YME1L1: variants seen among roughly 807,000 people sequenced by gnomAD.
The protein encoded by YME1L1 is YME1 like 1 ATPase.
YME1L1 carries 39 observed loss-of-function variants against 90.4 expected under a neutral mutation model. The ratio of observed to expected loss-of-function variants is 0.43; its 90% CI spans 0.33 to 0.56. The LOEUF (loss-of-function observed/expected upper bound fraction) is 0.56, where lower values mean the gene tolerates loss of function less well. YME1L1 is among the 20% of genes least tolerant of loss of function. The pLI is 0.03. For missense variants in YME1L1, 617 were observed against 868.4 expected, an observed-to-expected ratio of 0.71 and a Z score of 3.64; for synonymous variants, 284 against 287.3, an observed-to-expected ratio of 0.99 and a Z score of 0.12.
intron 1 of YME1L1, among the ~76,000 whole-genome samples, chr10:27,151,066 C>G (rs2057209173): frequency 6.6e-6 from 1 of 152,110 alleles, no homozygotes; most frequent in South Asian, 2.1e-4. Context: ...GCTGGGACTA[C>G]AGGCGCAGGC....
chr10:27,147,765 C>T lies in YME1L1; in HGVS notation c.168+1141G>A, dbSNP rs1217720585. 5 of 1,494,614 alleles carry T rather than the reference C, an allele frequency of 3.3e-6. No individual in the cohort carries two copies. In the East Asian group the frequency reaches 1.2e-4, roughly 37 times the overall value. The allele number at this position is 1,494,614 out of a possible 1,614,324, so 92.6% of individuals were successfully genotyped here. ...GGTTTCTATAGCATCTGGCTCCTGT[C>T]AATTGTGCAGTTTCACCAAACCCTG... On this transcript the variant is annotated intron_variant, in intron 2 of 18. Transcript: ENST00000376016.
At chr10:27,147,438 T>A (rs188660044) in intron 2 of YME1L1, 1 of 1,614,120 alleles carries the variant, frequency 6.2e-7, no homozygotes, top group African/African-American at 1.3e-5. Context: ...AAGCCGTGAC[T>A]AAGAACGATG....
intron 9 of YME1L1, among the ~76,000 whole-genome samples, chr10:27,125,991 A>G (rs1341257167): frequency 1.3e-5 from 2 of 152,088 alleles, no homozygotes; most frequent in African/African-American, 2.4e-5. Flanking sequence ...CCTAATTTTA[A>G]TATTATTCTG....
At chr10:27,142,363 C>T (rs1477463492) in intron 4 of YME1L1, 24 bp downstream of exon 4, 3 of 1,313,680 alleles carry the variant, frequency 2.3e-6, no homozygotes, top group South Asian at 3.6e-5. Context: ...TTTTTTTCCA[C>T]AATTTATGGT....
rs766771593 is a variant in YME1L1 at position 27,145,472 on chromosome 10, T to C, written c.287A>G (p.His96Arg). 1.4e-5 allele frequency: 22 copies of C among 1,613,488 alleles called. No individual in the cohort carries two copies. Among genetic ancestry groups the C allele is most frequent in the Non-Finnish European group, 1.8e-5 (21 of 1,179,600 alleles). Residue 96 changes from histidine to arginine, a missense_variant, in exon 3 of 19, where the codon CAT becomes CGT. This residue lies in a region of YME1L1 where 311 missense variants were observed against 335.8 expected (regional missense o/e 0.93). Coordinates refer to ENST00000376016, the MANE Select transcript of YME1L1 (RefSeq NM_014263.4). ...GGATTGTGCAGAGACATGGGATGTA[T>C]GCCAATGGGAAGAAATGTTTTTGCC... is the stretch of plus-strand genomic sequence containing the variant. ...CKGKNISSHWHTSHVSAQSFF... is the reference protein window; with the variant it reads ...CKGKNISSHWRTSHVSAQSFF...
chr10:27,142,561 T>C, intron 3 of YME1L1, 76 bp from the exon 4 acceptor site: 1 of 619,728 alleles, frequency 1.6e-6, no homozygotes, highest in Non-Finnish European at 2.6e-6. Flanking sequence ...TATAAATAAT[T>C]CTATCAAATA....
intron 1 of YME1L1, among the ~76,000 whole-genome samples, chr10:27,149,330 C>T (rs2135905935): frequency 6.6e-6 from 1 of 152,250 alleles, no homozygotes; most frequent in Middle Eastern, 3.4e-3. Flanking sequence ...CAAGTACTTG[C>T]ACATGCATAG....
Position 27,114,501 on chromosome 10 carries a change from A to G in YME1L1, c.2007+20T>C. On this transcript the variant is annotated intron_variant, in intron 18 of 18. Transcript: ENST00000376016. ...CACATTGTTCCTAAGAAAATAAATA[A>G]GCACAAAAAATATTATTACCCTTAG... 6.3e-7 allele frequency: 1 copy of G among 1,593,302 alleles called. No homozygotes were observed. Among genetic ancestry groups the G allele is most frequent in the Non-Finnish European group, 8.5e-7 (1 of 1,169,596 alleles).
At chr10:27,124,880 C>T (rs926060689) in intron 9 of YME1L1, among the ~76,000 whole-genome samples, 4 of 152,020 alleles carry the variant, frequency 2.6e-5, no homozygotes, top group South Asian at 2.1e-4. Flanking sequence ...TTCCTTTTTG[C>T]GTGGACACCA....
intron 17 of YME1L1, 91 bp from the exon 18 acceptor site, chr10:27,114,698 C>T: frequency 1.1e-6 from 1 of 886,086 alleles, no homozygotes; most frequent in Non-Finnish European, 1.7e-6. Flanking sequence ...TATAAGGAAA[C>T]AAATATATGG....
At chr10:27,148,375 G>A (rs1179527457) in intron 2 of YME1L1, among the ~76,000 whole-genome samples, 2 of 151,948 alleles carry the variant, frequency 1.3e-5, no homozygotes, top group Non-Finnish European at 2.9e-5. Context: ...GCTAATTTTT[G>A]TATTTCTAGT....
intron 7 of YME1L1, among the ~76,000 whole-genome samples, chr10:27,132,773 T>C (rs770636888): frequency 3.3e-5 from 5 of 151,900 alleles, no homozygotes; most frequent in Admixed American, 6.6e-5. Context: ...CGAGCCAAGA[T>C]TGCCCCACTG....
intron 9 of YME1L1, among the ~76,000 whole-genome samples, chr10:27,124,890 A>G (rs2056901538): frequency 1.3e-5 from 2 of 152,172 alleles, no homozygotes; most frequent in African/African-American, 4.8e-5. Context: ...CGTGGACACC[A>G]CATAAGCCAT....
chr10:27,122,912 C>T lies in YME1L1; in HGVS notation c.1164G>A (p.Gly388=). 6.2e-7 allele frequency: 1 copy of T among 1,613,456 alleles called. No individual in the cohort carries two copies. Among genetic ancestry groups the T allele is most frequent in the African/African-American group, 1.3e-5 (1 of 74,988 alleles). ...GATGCATTGGAGATTCAATTCTCTT[C>T]CCACCAACAGAATCTAATTCATCAA... ...IFIDELDSVG[G]KRIESPMHPY... is the part of the protein sequence containing the mutation. The change falls in exon 11 of 19, where the codon GGG becomes GGA. Residue 388 remains glycine (G), a synonymous_variant. Transcript: ENST00000376016.
rs1239383344 is a variant in YME1L1 at position 27,121,441 on chromosome 10, G to T, written c.1243C>A (p.Pro415Thr). The change falls in exon 12 of 19, where the codon CCC (proline) becomes ACC (threonine). Residue 415 changes from proline (P) to threonine (T), a missense_variant. This residue lies in a region of YME1L1 where 93 missense variants were observed against 184.8 expected (regional missense o/e 0.50). Transcript: ENST00000376016. The part of the protein sequence containing the change: ...QLLAEMDGFK[P>T]NEGVIIIGAT... Reference sequence around the variant, plus strand: ...CCTATTATGATAACTCCTTCATTGGGTTTAAAACTATATTGGAAAAAAAAT... The same window carrying T: ...CCTATTATGATAACTCCTTCATTGGTTTTAAAACTATATTGGAAAAAAAAT... 1 of 1,596,920 alleles carries T rather than the reference G, an allele frequency of 6.3e-7. No individual in the cohort carries two copies. Among genetic ancestry groups the T allele is most frequent in the Non-Finnish European group, 8.6e-7 (1 of 1,164,928 alleles).
chr10:27,115,139 G>A (rs1223391580), intron 17 of YME1L1, among the ~76,000 whole-genome samples: 3 of 152,096 alleles, frequency 2.0e-5, no homozygotes, highest in Non-Finnish European at 4.4e-5. Flanking sequence ...TGTAATCCCA[G>A]CTACTTGGGA....
At position 27,154,202 on chromosome 10, in the gene YME1L1, G is replaced by A. The variant is rs368552306; in HGVS notation, c.9C>T (p.Ser3=). The change falls in exon 1 of 19, where the codon TCC becomes TCT. Residue 3 remains serine (S), a synonymous_variant. Coordinates refer to ENST00000376016, the MANE Select transcript of YME1L1 (RefSeq NM_014263.4). ...CCTGGGGTTGCACCGTGCTCGACAA[G>A]GAAAACATCTCCGGCGGGCCCTCAG... is the stretch of plus-strand genomic sequence containing the variant. MF[S]LSSTVQPQVT... is the part of the protein sequence containing the mutation. 1.4e-5 allele frequency: 22 copies of A among 1,592,186 alleles called. No individual in the cohort carries two copies. The African/African-American group carries it at 2.1e-4, about 16-fold the overall frequency.
At chr10:27,140,297 A>C (rs188027932) in intron 4 of YME1L1, among the ~76,000 whole-genome samples, 32 of 151,124 alleles carry the variant, frequency 2.1e-4, no homozygotes, top group Admixed American at 5.3e-4. Context: ...AAGCCACTGC[A>C]TCCAGCCTGA....
chr10:27,148,281 C>A (rs145308908), intron 2 of YME1L1, among the ~76,000 whole-genome samples: 1 of 152,000 alleles, frequency 6.6e-6, no homozygotes, highest in East Asian at 1.9e-4. Context: ...TGGCTCACAG[C>A]GACCTCTGCC....
Sources: gnomAD v4.1 joint callset for allele counts (sites outside exome capture counted in the v4.1 genomes callset) on GRCh38, gnomAD v4.1.1 for gene constraint, gnomAD v4.1.1 regional missense constraint, MANE v1.5 for transcripts, NCBI Gene and HGNC (gene_info 2026-07-23, HGNC 2026-07-21) for gene names.